The following DCAF7 variants were observed in gnomAD, a reference collection of about 807,000 sequenced individuals.
The protein encoded by DCAF7 is DDB1- and CUL4-associated factor 7.
In DCAF7, 4 loss-of-function variants were observed where a neutral mutation model predicts 41.2. The observed-to-expected ratio is 0.10, with a 90% CI of 0.05 to 0.22. DCAF7 has a LOEUF of 0.22. Among genes scored for constraint, DCAF7 ranks in the 10% least tolerant of loss-of-function variants. The pLI, the probability that DCAF7 is intolerant of heterozygous loss-of-function variation, is 1.00. For synonymous variants in DCAF7, 143 were observed against 164.2 expected (o/e 0.87, Z 0.99); for missense variants, 131 against 443.2 (o/e 0.30, Z 6.32).
intron 1 of DCAF7, 145 bp from the exon 2 acceptor site, chr17:63,578,325 C>A: frequency 8.9e-7 from 1 of 1,119,088 alleles, no homozygotes; most frequent in Non-Finnish European, 1.3e-6. Context: ...GGTTGCACCA[C>A]TGCACTCCAG....
intron 4 of DCAF7, among the ~76,000 whole-genome samples, chr17:63,581,313 AT>A (rs2033620396): frequency 6.6e-6 from 1 of 152,222 alleles, no homozygotes; most frequent in Non-Finnish European, 1.5e-5. Flanking sequence ...ACTCTTAAGT[AT>A]TTGAACTGCA....
rs201265127 is a variant in DCAF7, at chr17:63,559,417, ATACG to A, written c.138+8605_138+8608del. The stretch of plus-strand genomic sequence containing the variant: ...TATATATGTATATATATGTATATAT[ATACG>A]TATATATATATGTGTGTGTATATAT... On this transcript the variant is annotated intron_variant, in intron 1 of 6. Coordinates refer to ENST00000614556, the MANE Select transcript of DCAF7 (RefSeq NM_005828.5). Among the ~76,000 whole-genome samples the A allele has an allele frequency of 7.3e-3, 710 of 96,878 alleles. 20 individuals carry two copies. Among genetic ancestry groups the A allele is most frequent in the African/African-American group, 0.046 (636 of 13,868 alleles). 63.6% of individuals were successfully genotyped at this position (96,878 alleles called of 152,430 possible).
At chr17:63,570,514 G>T (rs1159318939) in intron 1 of DCAF7, among the ~76,000 whole-genome samples, 1 of 152,108 alleles carries the variant, frequency 6.6e-6, no homozygotes, top group Non-Finnish European at 1.5e-5. Flanking sequence ...CTAGATACTG[G>T]TCCTCTCATA....
At position 63,588,189 on chromosome 17, in the gene DCAF7, A is replaced by ATTTTT. The variant is rs377638787; in HGVS notation, c.857-799_857-795dup. Among the ~76,000 whole-genome samples the ATTTTT allele has an allele frequency of 9.8e-3, 1,182 of 120,192 alleles. 108 individuals are homozygous for ATTTTT. Among genetic ancestry groups the ATTTTT allele is most frequent in the African/African-American group, 0.043 (1,088 of 25,388 alleles). 78.9% of individuals were successfully genotyped at this position (120,192 alleles called of 152,430 possible). On this transcript the variant is annotated intron_variant, in intron 6 of 6. Transcript: ENST00000614556. ...GTGTTTCCCATAGCTATTTTCTTGG[A>ATTTTT]TTTTTTTTTTTTTTTTGAGATGAAG...
chr17:63,554,249 G>A (rs1479382998), intron 1 of DCAF7, among the ~76,000 whole-genome samples: 1 of 152,216 alleles, frequency 6.6e-6, no homozygotes, highest in East Asian at 1.9e-4. Context: ...ACCTTCTTTT[G>A]TTGTGGTCTC....
intron 1 of DCAF7, among the ~76,000 whole-genome samples, chr17:63,571,827 A>T (rs1020727876): frequency 7.9e-5 from 12 of 152,048 alleles, no homozygotes; most frequent in African/African-American, 2.7e-4. Context: ...AATTCCTAAG[A>T]ATAGAGAGTC....
Position 63,593,175 on chromosome 17 carries a change from CA to C in DCAF7, c.*4004del, listed in dbSNP as rs1309091986. ...GTACTCCAGGACGAAGAAGGAAGATCATGCTTGATACTTAGATTGGTTTTCC... is the reference window on the plus strand; with the variant it reads ...GTACTCCAGGACGAAGAAGGAAGATCTGCTTGATACTTAGATTGGTTTTCC... On this transcript the variant is annotated 3_prime_UTR_variant, in exon 7 of 7. Coordinates refer to ENST00000614556, the MANE Select transcript of DCAF7 (RefSeq NM_005828.5). The C allele has an allele frequency of 6.5e-6, 1 of 152,772 alleles. No homozygotes were observed. Among genetic ancestry groups the C allele is most frequent in the African/African-American group, 2.4e-5 (1 of 41,448 alleles). The allele number at this position is 152,772 out of a possible 1,614,324, so 9.5% of individuals were successfully genotyped here. A position where few individuals can be genotyped will look rare whatever the true frequency, so the allele number is the denominator to read the frequency against.
At chr17:63,553,024 T>C (rs554728263) in intron 1 of DCAF7, among the ~76,000 whole-genome samples, 6 of 152,342 alleles carry the variant, frequency 3.9e-5, no homozygotes, top group Admixed American at 3.3e-4. Flanking sequence ...GCCATGGTCA[T>C]CTGATACCAA....
chr17:63,588,236 G>A (rs1294547957), intron 6 of DCAF7, among the ~76,000 whole-genome samples: 1 of 139,062 alleles, frequency 7.2e-6, no homozygotes, highest in Non-Finnish European at 1.5e-5. Context: ...CACCCATGCT[G>A]GAGTGCGGTG....
Position 63,550,854 on chromosome 17 carries a change from G to A in DCAF7, c.138+39G>A. On this transcript the variant is annotated intron_variant, in intron 1 of 6. Coordinates refer to ENST00000614556, the MANE Select transcript of DCAF7 (RefSeq NM_005828.5). This position sits in a 1 kb window ranked among gnomAD's most constrained non-coding sequence, Gnocchi z 4.8. ...GGGCTCGGAACCCAGCTGGCGGGGA[G>A]CGGGCCCCGGGAGCGCCCTTTCCGG... 3 of 1,597,858 alleles carry A rather than the reference G, an allele frequency of 1.9e-6. No homozygotes were observed. The highest frequency in any genetic ancestry group is 8.5e-7 in the Non-Finnish European group (1 of 1,172,414).
In DCAF7 at chr17:63,585,194, A is replaced by G. The variant is rs2033664608; in HGVS notation, c.739-17A>G. ...AAACTCTGATGATCCCAGGCCTTTTACTTGTTATTTCCGCAGGTGGTGATT... is the reference window on the plus strand; with the variant it reads ...AAACTCTGATGATCCCAGGCCTTTTGCTTGTTATTTCCGCAGGTGGTGATT... On this transcript the variant is annotated splice_polypyrimidine_tract_variant and intron_variant, in intron 5 of 6. Coordinates refer to ENST00000614556, the MANE Select transcript of DCAF7 (RefSeq NM_005828.5). The G allele has an allele frequency of 6.2e-7, 1 of 1,606,212 alleles. No individual in the cohort carries two copies. The highest frequency in any genetic ancestry group is 1.1e-5 in the South Asian group (1 of 90,758).
At chr17:63,585,920 G>A (rs543032971) in intron 6 of DCAF7, among the ~76,000 whole-genome samples, 5 of 151,790 alleles carry the variant, frequency 3.3e-5, no homozygotes, top group African/African-American at 9.7e-5. Flanking sequence ...TCAGGAGTTC[G>A]TGACCAGCCT....
At chr17:63,568,881 G>A (rs1471263729) in intron 1 of DCAF7, among the ~76,000 whole-genome samples, 3 of 152,164 alleles carry the variant, frequency 2.0e-5, no homozygotes, top group Non-Finnish European at 4.4e-5. Context: ...CTCCATGCAC[G>A]CTGCGTCTGT....
At chr17:63,583,828 C>A in intron 5 of DCAF7, 117 bp downstream of exon 5, 1 of 1,041,758 alleles carries the variant, frequency 9.6e-7, no homozygotes, top group Non-Finnish European at 1.4e-6. Flanking sequence ...TTGGGAATGT[C>A]TGGAGGCATT....
In DCAF7 at chr17:63,550,613, G is replaced by A. The variant is rs2033238054; in HGVS notation, c.-65G>A. 1 of 1,592,838 alleles carries A rather than the reference G, an allele frequency of 6.3e-7. No homozygotes were observed. ...CCTCCCTTCGGACCCATAGATCTCA[G>A]GCTCGGCTCCCCGCCCGCCGCAGCC... On this transcript the variant is annotated 5_prime_UTR_variant, in exon 1 of 7. Coordinates refer to ENST00000614556, the MANE Select transcript of DCAF7 (RefSeq NM_005828.5). This position sits in a 1 kb window ranked among gnomAD's most constrained non-coding sequence, Gnocchi z 4.8.
intron 1 of DCAF7, among the ~76,000 whole-genome samples, chr17:63,562,010 CAA>C (rs374021255): frequency 7.4e-5 from 6 of 81,504 alleles, no homozygotes; most frequent in Admixed American, 3.1e-4. Context: ...TGTCAATGTC[CAA>C]AAAAAAAAAA....
At chr17:63,560,203 CTG>C (rs941595250) in intron 1 of DCAF7, among the ~76,000 whole-genome samples, 9 of 151,534 alleles carry the variant, frequency 5.9e-5, no homozygotes, top group Middle Eastern at 6.8e-3. Context: ...TGGTAATCTA[CTG>C]TGTGTGTGTG....
At position 63,593,033 on chromosome 17, in the gene DCAF7, G is replaced by A. The variant is rs1430336429; in HGVS notation, c.*3861G>A. The A allele has an allele frequency of 6.6e-6, 1 of 152,406 alleles. No homozygotes were observed. The highest frequency in any genetic ancestry group is 2.4e-5 in the African/African-American group (1 of 41,450). 9.4% of individuals were successfully genotyped at this position (152,406 alleles called of 1,614,324 possible). On this transcript the variant is annotated 3_prime_UTR_variant, in exon 7 of 7. Transcript: ENST00000614556. ...TTACCACACGTGGGAGGGCAGCCCA[G>A]TACTGTCCCTCTGCCTTCCCCACTT...
At chr17:63,557,738 G>A (rs771595753) in intron 1 of DCAF7, among the ~76,000 whole-genome samples, 4 of 152,164 alleles carry the variant, frequency 2.6e-5, no homozygotes, top group Non-Finnish European at 4.4e-5. Context: ...GTAAAGATTT[G>A]AAGTGATAAG....
Sources: allele counts gnomAD v4.1 joint callset (sites outside exome capture counted in the v4.1 genomes callset), GRCh38; gene constraint gnomAD v4.1.1; non-coding constraint Gnocchi (gnomAD v3.1); transcripts MANE v1.5; gene names NCBI Gene and HGNC (gene_info 2026-07-23, HGNC 2026-07-21).